UBE4B: variants seen among roughly 807,000 people sequenced by gnomAD.
The protein encoded by UBE4B is ubiquitination factor E4B, also known as ubiquitin conjugation factor E4 B.
UBE4B carries 27 observed loss-of-function variants against 148.1 expected under a neutral mutation model. That is an observed-to-expected ratio of 0.18 (90% CI 0.13 to 0.25). The LOEUF is 0.25. UBE4B is among the 10% of genes least tolerant of loss of function. The pLI is 1.00. For missense variants in UBE4B, 1,170 were observed against 1,662.4 expected (o/e 0.70, Z 5.15); for synonymous variants, 596 against 619.3 (o/e 0.96, Z 0.56).
rs1200883370 is a variant in UBE4B, at chr1:10,134,977, A to G, written c.2026-11A>G. On this transcript the variant is annotated splice_polypyrimidine_tract_variant and intron_variant, in intron 15 of 27. Coordinates refer to ENST00000343090, the MANE Select transcript of UBE4B (RefSeq NM_001105562.3). Reference sequence around the variant, plus strand: ...ATGTTTAAAAATACTTTTTCTTTTCAACTTTCACAGACAGATGATAGATTG... The same window carrying G: ...ATGTTTAAAAATACTTTTTCTTTTCGACTTTCACAGACAGATGATAGATTG... 1 of 1,609,248 alleles carries G rather than the reference A, an allele frequency of 6.2e-7. No individual in the cohort carries two copies. Among genetic ancestry groups the G allele is most frequent in the Non-Finnish European group, 8.5e-7 (1 of 1,177,898 alleles).
chr1:10,150,623 A>G (rs1314722502), intron 20 of UBE4B, among the ~76,000 whole-genome samples: 2 of 152,090 alleles, frequency 1.3e-5, no homozygotes, highest in African/African-American at 4.8e-5. Flanking sequence ...GCACTTTGGG[A>G]GGCCAAGGTG....
chr1:10,159,344 G>A (rs1354330285), intron 22 of UBE4B, among the ~76,000 whole-genome samples: 1 of 152,146 alleles, frequency 6.6e-6, no homozygotes, highest in Non-Finnish European at 1.5e-5. Flanking sequence ...GGGAGATGAA[G>A]ATGCTGAACT....
chr1:10,176,223 A>G (rs2102043253), intron 25 of UBE4B, among the ~76,000 whole-genome samples: 1 of 152,354 alleles, frequency 6.6e-6, no homozygotes, highest in Middle Eastern at 3.4e-3. Flanking sequence ...GTATGGATAT[A>G]CCACCATTTG....
At chr1:10,042,654 A>G (rs1178489198) in intron 1 of UBE4B, among the ~76,000 whole-genome samples, 2 of 152,174 alleles carry the variant, frequency 1.3e-5, no homozygotes, top group East Asian at 3.8e-4. Context: ...CTCAAAAGCA[A>G]AGAAACAAAC....
chr1:10,046,567 G>A (rs770512320), intron 1 of UBE4B, among the ~76,000 whole-genome samples: 5 of 152,080 alleles, frequency 3.3e-5, no homozygotes, highest in Non-Finnish European at 2.9e-5. Flanking sequence ...TCCTCCCCTG[G>A]CAGTACTGTG....
At chr1:10,085,759 G>C (rs1415313976) in intron 2 of UBE4B, among the ~76,000 whole-genome samples, 1 of 151,992 alleles carries the variant, frequency 6.6e-6, no homozygotes, top group African/African-American at 2.4e-5. Flanking sequence ...CATAAATTCA[G>C]AAAATATCCT....
chr1:10,123,474 A>G (rs985164958), intron 10 of UBE4B, among the ~76,000 whole-genome samples: 73 of 149,258 alleles, frequency 4.9e-4, no homozygotes, highest in African/African-American at 1.6e-3. Context: ...GGAAGGTTTG[A>G]GTGATGCACT....
chr1:10,156,455 G>A (rs1646073727), intron 21 of UBE4B, among the ~76,000 whole-genome samples: 1 of 152,012 alleles, frequency 6.6e-6, no homozygotes, highest in South Asian at 2.1e-4. Flanking sequence ...CACCAGGCTG[G>A]TCTCAAACTC....
intron 2 of UBE4B, 129 bp from the exon 3 acceptor site, chr1:10,095,332 A>T: frequency 9.3e-7 from 1 of 1,069,934 alleles, no homozygotes; most frequent in Non-Finnish European, 1.3e-6. Context: ...TAATCTTCTG[A>T]TAGAAATTCC....
At chr1:10,140,095 A>G (rs917684573) in intron 17 of UBE4B, among the ~76,000 whole-genome samples, 9 of 152,226 alleles carry the variant, frequency 5.9e-5, no homozygotes, top group African/African-American at 2.2e-4. Flanking sequence ...GCTTATGTGT[A>G]TATTTAAGAC....
chr1:10,154,886 A>G (rs1481119778), intron 21 of UBE4B, among the ~76,000 whole-genome samples: 1 of 152,098 alleles, frequency 6.6e-6, no homozygotes, highest in Non-Finnish European at 1.5e-5. Context: ...ATACCAAAAT[A>G]GTAACAGCGC....
intron 2 of UBE4B, chr1:10,072,903 A>G (rs1213253928): frequency 1.3e-5 from 2 of 154,882 alleles, no homozygotes; most frequent in South Asian, 2.0e-4. Flanking sequence ...GTGCTAAGAG[A>G]ACTGCATTGA....
chr1:10,038,233 T>G (rs895557074), intron 1 of UBE4B, among the ~76,000 whole-genome samples: 1 of 143,244 alleles, frequency 7.0e-6, no homozygotes, highest in Non-Finnish European at 1.5e-5. Context: ...TGGGCCGAGA[T>G]CACACCACTA....
chr1:10,179,340 G>T, intron 26 of UBE4B, 76 bp from the exon 27 acceptor site: 1 of 1,562,418 alleles, frequency 6.4e-7, no homozygotes, highest in Non-Finnish European at 8.7e-7. Context: ...ATTTTTCGCT[G>T]GTAGAACGGG....
intron 20 of UBE4B, 133 bp from the exon 21 acceptor site, chr1:10,151,193 T>A (rs1645970178): frequency 1.4e-6 from 1 of 717,228 alleles, no homozygotes. Context: ...GTAAACTGAA[T>A]GAGTTCAAGG....
intron 17 of UBE4B, among the ~76,000 whole-genome samples, chr1:10,138,047 G>A (rs1645721897): frequency 7.2e-6 from 1 of 138,666 alleles, no homozygotes; most frequent in Admixed American, 8.2e-5. Context: ...CGATTCTCCT[G>A]CTTCAGCCTC....
rs1251654402 is a variant in UBE4B, at chr1:10,179,983, G to C, written c.*27G>C. 2 of 1,613,816 alleles carry C rather than the reference G, an allele frequency of 1.2e-6. No individual in the cohort carries two copies. The highest frequency in any genetic ancestry group is 2.7e-5 in the African/African-American group (2 of 74,918). On this transcript the variant is annotated 3_prime_UTR_variant, in exon 28 of 28. Transcript: ENST00000343090. Reference sequence around the variant, plus strand: ...CCGTTCCGCCGCCCACCCTCTGCTAGACACAGCCAAGGCCAACGAGGCAAG... The same window carrying C: ...CCGTTCCGCCGCCCACCCTCTGCTACACACAGCCAAGGCCAACGAGGCAAG...
intron 25 of UBE4B, among the ~76,000 whole-genome samples, chr1:10,175,069 G>A (rs1646397432): frequency 6.6e-6 from 1 of 152,282 alleles, no homozygotes; most frequent in Non-Finnish European, 1.5e-5. Flanking sequence ...CCAAGAGTAG[G>A]CTGAAGACCC....
chr1:10,143,387 T>C (rs1074461), intron 17 of UBE4B, among the ~76,000 whole-genome samples: 48,034 of 151,760 alleles, frequency 0.32, 13,152 homozygotes, highest in African/African-American at 0.75. Flanking sequence ...GGCAATAGAG[T>C]GAGGCTCAGT....
Sources: allele counts gnomAD v4.1 joint callset (sites outside exome capture counted in the v4.1 genomes callset), GRCh38; gene constraint gnomAD v4.1.1; transcripts MANE v1.5; gene names NCBI Gene and HGNC (gene_info 2026-07-23, HGNC 2026-07-21).